The following FHAD1 variants were observed in gnomAD, a reference collection of about 807,000 sequenced individuals.
FHAD1 encodes the protein forkhead associated phosphopeptide binding domain 1.
Under a neutral mutation model 191.3 loss-of-function variants are expected in FHAD1, and 146 were observed. That is an observed-to-expected ratio of 0.76 (90% CI 0.67 to 0.88). The LOEUF is 0.88. Ranked by LOEUF, FHAD1 falls within the 40% of genes least tolerant of loss-of-function variation. The pLI, the probability that FHAD1 is intolerant of heterozygous loss-of-function variation, is 0.00. For synonymous variants in FHAD1, 616 were observed against 672.3 expected (o/e 0.92, Z 1.29); for missense variants, 1,635 against 1,785.8 (o/e 0.92, Z 1.52).
At chr1:15,380,181 G>A (rs1179537205) in intron 28 of FHAD1, among the ~76,000 whole-genome samples, 1 of 152,210 alleles carries the variant, frequency 6.6e-6, no homozygotes, top group African/African-American at 2.4e-5. Context: ...TGAGCAAACA[G>A]CAACACCATC....
downstream of FHAD1, chr1:15,400,432 G>A (rs564505415): frequency 6.6e-6 from 1 of 152,290 alleles, no homozygotes; most frequent in East Asian, 1.9e-4. Flanking sequence ...GGGCTGGATG[G>A]TTTAGAATGG....
At chr1:15,388,410 T>C in intron 32 of FHAD1, 2 of 1,119,526 alleles carry the variant, frequency 1.8e-6, no homozygotes, top group African/African-American at 5.4e-5. Flanking sequence ...TCCAGCCCCG[T>C]CTGTCCATTA....
chr1:15,378,521 A>T (rs1700170100), intron 28 of FHAD1, among the ~76,000 whole-genome samples: 1 of 152,116 alleles, frequency 6.6e-6, no homozygotes, highest in African/African-American at 2.4e-5. Flanking sequence ...AGGAAAAGAG[A>T]GGGGATTCTG....
chr1:15,269,106 T>A (rs1302272786), intron 2 of FHAD1, among the ~76,000 whole-genome samples: 3 of 152,144 alleles, frequency 2.0e-5, no homozygotes, highest in African/African-American at 7.2e-5. Flanking sequence ...GTTCTATTGA[T>A]CTTTCCAAAG....
chr1:15,248,357 C>CA lies in FHAD1; in HGVS notation c.-15+965dup, dbSNP rs1410062380. The stretch of plus-strand genomic sequence containing the variant: ...AGACCAGAGACTCCAGGACCAGAGA[C>CA]AAAGGATGTTATTACTCACAGCACA... On this transcript the variant is annotated intron_variant, in intron 1 of 33. Coordinates refer to ENST00000688493, the MANE Select transcript of FHAD1 (RefSeq NM_001391957.1). 2.6e-5 allele frequency among the ~76,000 whole-genome samples: 4 copies of CA among 152,134 alleles called. 1 individual carries two copies. The highest frequency in any genetic ancestry group is 4.1e-4 in the South Asian group (2 of 4,820).
At chr1:15,401,382 G>T (rs1268810340), downstream of FHAD1, among the ~76,000 whole-genome samples, 2 of 152,212 alleles carry the variant, frequency 1.3e-5, no homozygotes, top group African/African-American at 4.8e-5. Flanking sequence ...GAAGCTACCA[G>T]CAGTCTTTCC....
At chr1:15,393,626 CGTGTCTTGCTCT>C (rs1704960208) in intron 33 of FHAD1, among the ~76,000 whole-genome samples, 1 of 150,788 alleles carries the variant, frequency 6.6e-6, no homozygotes, top group Non-Finnish European at 1.5e-5. Context: ...TTTTGGAGAC[CGTGTCTTGCTCT>C]GTGGTCCAGG....
Position 15,289,557 on chromosome 1 carries a change from C to G in FHAD1, c.459C>G (p.Pro153=). The change falls in exon 4 of 34, where the codon CCC becomes CCG. Residue 153 remains proline, a synonymous_variant. Transcript: ENST00000688493. This position sits in a 1 kb window ranked among gnomAD's most constrained non-coding sequence, Gnocchi z 4.2. ...AAAGGAGCTGGTCCCAGGCCTTTCC[C>G]AGACCCACCGTGGTCCTGCCGGCCT... ...PMQRSWSQAF[P]RPTVVLPASH... 6.4e-7 allele frequency: 1 copy of G among 1,551,810 alleles called. No homozygotes were observed. Among genetic ancestry groups the G allele is most frequent in the African/African-American group, 1.4e-5 (1 of 73,178 alleles).
intron 1 of FHAD1, among the ~76,000 whole-genome samples, chr1:15,242,016 C>T (rs898442293): frequency 1.1e-4 from 17 of 152,088 alleles, no homozygotes; most frequent in Non-Finnish European, 2.1e-4. Flanking sequence ...GGGTGGATCA[C>T]GAGGTCAGGA....
chr1:15,290,204 A>G (rs935703992), intron 4 of FHAD1, among the ~76,000 whole-genome samples: 2 of 152,114 alleles, frequency 1.3e-5, no homozygotes, highest in Admixed American at 6.6e-5. Context: ...CAGCCCACTC[A>G]CAACCTGGTC....
chr1:15,278,348 A>G (rs1659242994), intron 3 of FHAD1, among the ~76,000 whole-genome samples: 1 of 152,164 alleles, frequency 6.6e-6, no homozygotes, highest in South Asian at 2.1e-4. Context: ...AGGATAGGAG[A>G]TTCTGGGGAT....
At chr1:15,246,609 C>T (rs748596365), upstream of FHAD1, among the ~76,000 whole-genome samples, 2 of 152,060 alleles carry the variant, frequency 1.3e-5, no homozygotes, top group Non-Finnish European at 2.9e-5. Flanking sequence ...GCGTGTGACA[C>T]TCATAGGACT....
chr1:15,289,637 A>G lies in FHAD1; in HGVS notation c.539A>G (p.Asp180Gly), dbSNP rs763852359. Residue 180 changes from aspartate to glycine, a missense_variant, in exon 4 of 34, where the codon GAC (aspartate) becomes GGC (glycine). By Grantham distance (94) the Asp-to-Gly change is moderately conservative. Transcript: ENST00000688493. This position sits in a 1 kb window ranked among gnomAD's most constrained non-coding sequence, Gnocchi z 4.2. ...NKEMFSFVVD[D>G]ARKPPVIKQV... ...GAGATGTTCTCGTTCGTGGTGGACG[A>G]CGCCCGCAAGCCACCCGTCATCAAG... 20 of 1,550,384 alleles carry G rather than the reference A, an allele frequency of 1.3e-5. No homozygotes were observed. The highest frequency in any genetic ancestry group is 1.4e-5 in the Non-Finnish European group (16 of 1,145,890).
chr1:15,250,755 G>A (rs1646674533), intron 1 of FHAD1, among the ~76,000 whole-genome samples: 1 of 150,976 alleles, frequency 6.6e-6, no homozygotes, highest in Admixed American at 6.6e-5. Context: ...AGGAGGATCA[G>A]TTGAGCCCAA....
At chr1:15,275,655 G>A (rs1658077977) in intron 3 of FHAD1, among the ~76,000 whole-genome samples, 1 of 152,172 alleles carries the variant, frequency 6.6e-6, no homozygotes, top group African/African-American at 2.4e-5. Flanking sequence ...TTTGCCTGAT[G>A]ACCTCGACCT....
At chr1:15,333,172 G>C (rs1237434196) in intron 14 of FHAD1, among the ~76,000 whole-genome samples, 3 of 152,162 alleles carry the variant, frequency 2.0e-5, no homozygotes. Context: ...GATGGTAAAA[G>C]GCATTTTCTC....
intron 10 of FHAD1, 55 bp from the exon 11 acceptor site, chr1:15,324,397 C>T (rs1574344276): frequency 2.2e-6 from 3 of 1,343,482 alleles, no homozygotes; most frequent in African/African-American, 1.5e-5. Flanking sequence ...GGAATCTCCC[C>T]AGAGTGCATT....
intron 15 of FHAD1, 57 bp from the exon 16 acceptor site, chr1:15,341,679 G>T: frequency 7.1e-7 from 1 of 1,410,190 alleles, no homozygotes; most frequent in Non-Finnish European, 9.5e-7. Context: ...AATGGGGAAA[G>T]ACTCTTTAGT....
downstream of FHAD1, chr1:15,400,431 G>A (rs1025313093): frequency 1.3e-5 from 2 of 152,202 alleles, no homozygotes; most frequent in African/African-American, 4.8e-5. Flanking sequence ...GGGGCTGGAT[G>A]GTTTAGAATG....
Sources: gnomAD v4.1 joint callset for allele counts (sites outside exome capture counted in the v4.1 genomes callset) on GRCh38, gnomAD v4.1.1 for gene constraint, Gnocchi (gnomAD v3.1) non-coding constraint, MANE v1.5 for transcripts, NCBI Gene and HGNC (gene_info 2026-07-23, HGNC 2026-07-21) for gene names.